The following XKR9 variants were observed in gnomAD, a reference collection of about 807,000 sequenced individuals.
XKR9 encodes XK-related protein 9.
XKR9 carries 32 observed loss-of-function variants against 32.0 expected under a neutral mutation model. The ratio of observed to expected loss-of-function variants is 1.00; its 90% CI spans 0.76 to 1.34. The LOEUF (loss-of-function observed/expected upper bound fraction) is 1.34, where lower values mean the gene tolerates loss of function less well. Among genes scored for constraint, XKR9 ranks in the 40% most tolerant of loss-of-function variants. The probability of loss-of-function intolerance (pLI) is 0.00; values close to 1 mark genes in which losing one functional copy is unlikely to be tolerated. For missense variants in XKR9, 546 were observed against 429.7 expected (o/e 1.27, Z -2.39); for synonymous variants, 168 against 143.4 (o/e 1.17, Z -1.22).
At chr8:70,975,544 ATGGTAGTAGATGTG>A in the XKR9 span, among the ~76,000 whole-genome samples, 1 of 152,148 alleles carries the variant, frequency 6.6e-6, no homozygotes, top group Admixed American at 6.5e-5. Context: ...CAAAGATCAG[ATGGTAGTAGATGTG>A]TGGTGTTATT....
the XKR9 span, among the ~76,000 whole-genome samples, chr8:70,896,639 A>G: frequency 2.7e-5 from 4 of 149,784 alleles, no homozygotes; most frequent in South Asian, 4.2e-4. Context: ...GATTTTCTTC[A>G]TTGTTTTGTT....
intron 4 of XKR9, among the ~76,000 whole-genome samples, chr8:70,732,324 G>A (rs540519258): frequency 1.3e-5 from 2 of 152,334 alleles, no homozygotes; most frequent in African/African-American, 4.8e-5. Context: ...TACCCTGTGA[G>A]GGGGCTACAG....
the XKR9 span, among the ~76,000 whole-genome samples, chr8:71,025,238 C>T: frequency 6.6e-6 from 1 of 152,172 alleles, no homozygotes; most frequent in Non-Finnish European, 1.5e-5. Context: ...AATGAGTTAG[C>T]TTGACAGGCA....
the XKR9 span, among the ~76,000 whole-genome samples, chr8:70,848,586 A>G: frequency 6.6e-6 from 1 of 152,094 alleles, no homozygotes; most frequent in South Asian, 2.1e-4. Context: ...TAAATACAGT[A>G]AAGTTACAAA....
the XKR9 span, among the ~76,000 whole-genome samples, chr8:70,813,336 C>A: frequency 6.6e-6 from 1 of 152,060 alleles, no homozygotes; most frequent in Admixed American, 6.6e-5. Flanking sequence ...AAACCATAAA[C>A]CCTAGAAGAA....
chr8:70,878,649 A>G, the XKR9 span, among the ~76,000 whole-genome samples: 1 of 152,352 alleles, frequency 6.6e-6, no homozygotes, highest in East Asian at 1.9e-4. Flanking sequence ...ACCCAGATTC[A>G]TAAAGCAAGT....
At chr8:70,713,948 T>C (rs886552385) in intron 4 of XKR9, among the ~76,000 whole-genome samples, 7 of 152,150 alleles carry the variant, frequency 4.6e-5, no homozygotes, top group Non-Finnish European at 1.0e-4. Flanking sequence ...TTCTAGAGAC[T>C]AGATGTCCAA....
At chr8:70,939,214 A>G in the XKR9 span, among the ~76,000 whole-genome samples, 1 of 152,146 alleles carries the variant, frequency 6.6e-6, no homozygotes, top group Non-Finnish European at 1.5e-5. Context: ...ACCTGCAGAC[A>G]GGCAATTACT....
chr8:70,995,959 ATGTTG>A, the XKR9 span, among the ~76,000 whole-genome samples: 9 of 152,178 alleles, frequency 5.9e-5, no homozygotes. Context: ...GTATACATCC[ATGTTG>A]TGTGTGCCAT....
the XKR9 span, among the ~76,000 whole-genome samples, chr8:70,889,250 T>C: frequency 9.4e-3 from 1,421 of 151,958 alleles, 20 homozygotes; most frequent in African/African-American, 0.033. Context: ...TTCTTTTTCC[T>C]CTAGTTTGTT....
chr8:70,742,195 CA>C (rs1254742324), intron 2 of XKR9, among the ~76,000 whole-genome samples: 1 of 152,090 alleles, frequency 6.6e-6, no homozygotes, highest in African/African-American at 2.4e-5. Flanking sequence ...CCTAAATAAC[CA>C]GATTAAAACT....
chr8:70,955,701 T>C, the XKR9 span, among the ~76,000 whole-genome samples: 2 of 152,166 alleles, frequency 1.3e-5, no homozygotes, highest in Non-Finnish European at 2.9e-5. Flanking sequence ...TGGCAGGCTG[T>C]GCTTGGCTCA....
the XKR9 span, among the ~76,000 whole-genome samples, chr8:70,883,456 T>C: frequency 6.6e-6 from 1 of 152,144 alleles, no homozygotes; most frequent in Non-Finnish European, 1.5e-5. Context: ...GTATGTGTCT[T>C]CTTCATATAA....
intron 2 of XKR9, among the ~76,000 whole-genome samples, chr8:70,764,426 C>G (rs1563472820): frequency 6.6e-6 from 1 of 152,064 alleles, no homozygotes; most frequent in Non-Finnish European, 1.5e-5. Context: ...TTGCTGCTTT[C>G]TCTCTCTCTG....
chr8:71,026,534 G>A, the XKR9 span, among the ~76,000 whole-genome samples: 1 of 152,222 alleles, frequency 6.6e-6, no homozygotes, highest in Non-Finnish European at 1.5e-5. Flanking sequence ...TGGGAGTCCA[G>A]AGTGCAAAGG....
the XKR9 span, among the ~76,000 whole-genome samples, chr8:70,977,071 T>G: frequency 6.6e-6 from 1 of 152,346 alleles, no homozygotes; most frequent in Admixed American, 6.5e-5. Flanking sequence ...GAGAACCCCT[T>G]CATTATTTTT....
rs766013500 is a variant in XKR9, at chr8:70,734,054, C to A, written c.752C>A (p.Thr251Asn). The change falls in exon 5 of 5, where the codon ACC becomes AAC. Residue 251 changes from threonine to asparagine, a missense_variant. Transcript: ENST00000408926. The stretch of plus-strand genomic sequence containing the variant: ...ATAATATGGGCATTTAAAAACAACA[C>A]CCAGTTTTGTACTTGTATAAGTATG... ...LGIIWAFKNNTQFCTCISMEF... is the reference protein window; with the variant it reads ...LGIIWAFKNNNQFCTCISMEF... The A allele has an allele frequency of 1.9e-6, 3 of 1,612,962 alleles. No individual in the cohort carries two copies. The highest frequency in any genetic ancestry group is 1.1e-5 in the South Asian group (1 of 90,954).
chr8:70,908,438 T>A, the XKR9 span, among the ~76,000 whole-genome samples: 1 of 152,138 alleles, frequency 6.6e-6, no homozygotes, highest in East Asian at 1.9e-4. Context: ...AGGGAGTTTT[T>A]AAAAAAATAT....
intron 2 of XKR9, among the ~76,000 whole-genome samples, chr8:70,778,316 T>G (rs1021366193): frequency 6.6e-6 from 1 of 152,230 alleles, no homozygotes; most frequent in African/African-American, 2.4e-5. Flanking sequence ...ATATCTGTTT[T>G]GGTACCAGTA....
Sources: gnomAD v4.1 joint callset for allele counts (sites outside exome capture counted in the v4.1 genomes callset) on GRCh38, gnomAD v4.1.1 for gene constraint, MANE v1.5 for transcripts, NCBI Gene and HGNC (gene_info 2026-07-23, HGNC 2026-07-21) for gene names.